AGBL4: variants seen among roughly 807,000 people sequenced by gnomAD.
The protein encoded by AGBL4 is cytosolic carboxypeptidase 6.
In AGBL4, 58 loss-of-function variants were observed where a neutral mutation model predicts 66.4. The observed-to-expected ratio is 0.87, with a 90% CI of 0.71 to 1.09. The LOEUF is 1.09. Ranked by LOEUF, AGBL4 falls within the 50% of genes least tolerant of loss-of-function variation. AGBL4 has a pLI of 0.00. For synonymous variants in AGBL4, 234 were observed against 222.9 expected, an observed-to-expected ratio of 1.05 and a Z score of -0.44; for missense variants, 579 against 631.0, an observed-to-expected ratio of 0.92 and a Z score of 0.88.
chr1:49,367,168 A>G (rs571803203), intron 3 of AGBL4, among the ~76,000 whole-genome samples: 6 of 152,200 alleles, frequency 3.9e-5, no homozygotes, highest in Non-Finnish European at 8.8e-5. Context: ...ATAGTGATAC[A>G]GCTTGGATTT....
rs531927716 is a variant in AGBL4, at chr1:49,992,350, C to T, written c.34+31413G>A. Among the ~76,000 whole-genome samples the T allele has an allele frequency of 2.7e-4, 40 of 148,064 alleles. 1 individual carries two copies. In the South Asian group the frequency reaches 7.7e-3, roughly 29 times the overall value. ...CCGCGCCACTGCACTCCAGCCTGGG[C>T]GACAGAGTGAGACTCCGTCTCAAAA... On this transcript the variant is annotated intron_variant, in intron 1 of 13. Transcript: ENST00000371839.
At position 48,539,642 on chromosome 1, in the gene AGBL4, C is replaced by T. The variant is rs1158798258; in HGVS notation, c.1364G>A (p.Arg455Gln). ...GAAACCTCTCTGCTCTGCCACTTAC[C>T]GCAGTCTCGGCATGGGAATTGCCAC... is the stretch of plus-strand genomic sequence containing the variant. ...EKVAIPMPRL[R>Q]NKEIEVQRRK... The change falls in exon 12 of 14, where the codon CGA becomes CAA. Residue 455 changes from arginine (R) to glutamine (Q), a missense_variant and splice_region_variant. By Grantham distance (43) the Arg-to-Gln change is conservative. Coordinates refer to ENST00000371839, the MANE Select transcript of AGBL4 (RefSeq NM_032785.4). 55 of 1,534,816 alleles carry T rather than the reference C, an allele frequency of 3.6e-5. No individual in the cohort carries two copies. Among genetic ancestry groups the T allele is most frequent in the Middle Eastern group, 1.7e-4 (1 of 5,914 alleles).
chr1:49,612,166 G>A (rs1181865262), intron 3 of AGBL4, among the ~76,000 whole-genome samples: 1 of 152,112 alleles, frequency 6.6e-6, no homozygotes, highest in African/African-American at 2.4e-5. Context: ...TGCAGATGGT[G>A]ACCTAATCCT....
intron 1 of AGBL4, among the ~76,000 whole-genome samples, chr1:49,926,461 A>G (rs1439878233): frequency 6.6e-6 from 1 of 152,220 alleles, no homozygotes; most frequent in South Asian, 2.1e-4. Flanking sequence ...ACAACAAAAA[A>G]TATGTAACTC....
chr1:49,986,690 A>G (rs1390289103), intron 1 of AGBL4, among the ~76,000 whole-genome samples: 2 of 152,006 alleles, frequency 1.3e-5, no homozygotes, highest in African/African-American at 4.8e-5. Context: ...ATTTTACACT[A>G]ATTTCTCACA....
chr1:49,257,676 T>C (rs2148351337), intron 3 of AGBL4, among the ~76,000 whole-genome samples: 1 of 152,330 alleles, frequency 6.6e-6, no homozygotes, highest in East Asian at 1.9e-4. Flanking sequence ...CTGCACCCAC[T>C]GTCCTGCGCC....
chr1:50,003,186 T>C (rs760797097), intron 1 of AGBL4, among the ~76,000 whole-genome samples: 9 of 152,172 alleles, frequency 5.9e-5, no homozygotes, highest in African/African-American at 9.7e-5. Flanking sequence ...ATGACTCAAA[T>C]AAAGCTATAT....
At chr1:49,937,793 G>A (rs1025941891) in intron 1 of AGBL4, among the ~76,000 whole-genome samples, 4 of 151,998 alleles carry the variant, frequency 2.6e-5, no homozygotes, top group African/African-American at 7.3e-5. Context: ...TGAAACCAAC[G>A]AGAACAAAGA....
intron 6 of AGBL4, among the ~76,000 whole-genome samples, chr1:48,691,880 GC>G (rs369656438): frequency 1.8e-3 from 273 of 152,240 alleles, no homozygotes; most frequent in South Asian, 0.017. Context: ...AAAAGCCCGT[GC>G]CTTCCACCTC....
intron 6 of AGBL4, among the ~76,000 whole-genome samples, chr1:48,861,949 C>T (rs1213643025): frequency 6.6e-6 from 1 of 152,108 alleles, no homozygotes; most frequent in African/African-American, 2.4e-5. Context: ...CCCTGGTTTC[C>T]TACTTCCTAC....
At chr1:49,845,709 G>A in intron 2 of AGBL4, 1 of 1,596,762 alleles carries the variant, frequency 6.3e-7, no homozygotes, top group Non-Finnish European at 8.6e-7. Flanking sequence ...GCACATTCCT[G>A]ACTGAGCATC....
At chr1:49,309,377 G>T (rs1644905144) in intron 3 of AGBL4, among the ~76,000 whole-genome samples, 1 of 152,008 alleles carries the variant, frequency 6.6e-6, no homozygotes, top group Non-Finnish European at 1.5e-5. Context: ...ACCAAAATAT[G>T]CTGATTCACT....
chr1:49,238,463 T>C (rs1188480244), intron 4 of AGBL4, among the ~76,000 whole-genome samples: 2 of 152,174 alleles, frequency 1.3e-5, no homozygotes, highest in Non-Finnish European at 2.9e-5. Flanking sequence ...TACTCAGCTA[T>C]TGAGCCCATT....
chr1:49,429,828 G>C (rs968462034), intron 3 of AGBL4, among the ~76,000 whole-genome samples: 12 of 150,826 alleles, frequency 8.0e-5, no homozygotes, highest in Admixed American at 7.9e-4. Context: ...ACACAGTAAA[G>C]TATTTGCAGT....
At chr1:49,444,178 C>A (rs1646099812) in intron 3 of AGBL4, among the ~76,000 whole-genome samples, 1 of 151,956 alleles carries the variant, frequency 6.6e-6, no homozygotes. Flanking sequence ...TGTGGCCTAA[C>A]ATATGGTCTA....
chr1:49,383,559 T>C (rs1351214375), intron 3 of AGBL4, among the ~76,000 whole-genome samples: 2 of 152,210 alleles, frequency 1.3e-5, no homozygotes. Flanking sequence ...TACAGTTTCT[T>C]CAATTACTGG....
At chr1:48,547,588 C>A (rs1644184944) in intron 11 of AGBL4, among the ~76,000 whole-genome samples, 1 of 152,082 alleles carries the variant, frequency 6.6e-6, no homozygotes. Flanking sequence ...GGTTCTGAAT[C>A]AGAAATGGGA....
chr1:48,654,901 C>T lies in AGBL4; in HGVS notation c.725-1450G>A, dbSNP rs1373060440. 2.6e-5 allele frequency among the ~76,000 whole-genome samples: 4 copies of T among 152,320 alleles called. No homozygotes were observed. In the South Asian group the frequency reaches 8.3e-4, roughly 32 times the overall value. ...GTCCTCATATTAAAGCTGCAGTTTG[C>T]CAGTAAACAGGCAGGGTAATGATGC... is the stretch of plus-strand genomic sequence containing the variant. On this transcript the variant is annotated intron_variant, in intron 7 of 13. Coordinates refer to ENST00000371839, the MANE Select transcript of AGBL4 (RefSeq NM_032785.4).
chr1:49,880,767 C>T (rs1322395166), intron 1 of AGBL4, among the ~76,000 whole-genome samples: 9 of 151,970 alleles, frequency 5.9e-5, no homozygotes, highest in Admixed American at 6.5e-5. Context: ...GCCTTGCTGC[C>T]GCCTTGCAGT....
Sources: allele counts gnomAD v4.1 joint callset (sites outside exome capture counted in the v4.1 genomes callset), GRCh38; gene constraint gnomAD v4.1.1; transcripts MANE v1.5; gene names NCBI Gene and HGNC (gene_info 2026-07-23, HGNC 2026-07-21).